DEFA1B: variants seen among roughly 807,000 people sequenced by gnomAD.
DEFA1B encodes the protein defensin alpha 1B.
chr8:6,998,989 G>A (rs1252819645), intron 1 of DEFA1B, 134 bp downstream of exon 1: 1 of 107,810 alleles, frequency 9.3e-6, no homozygotes, highest in African/African-American at 3.1e-5. Flanking sequence ...AGTCACCAGA[G>A]GTCCGGACAG....
In DEFA1B at chr8:6,999,152, G is replaced by A. The variant is rs1810603328; in HGVS notation, c.-42C>T. 1 of 100,582 alleles carries A rather than the reference G, an allele frequency of 9.9e-6. No homozygotes were observed. The highest frequency in any genetic ancestry group is 3.4e-5 in the African/African-American group (1 of 29,614). 6.2% of individuals were successfully genotyped at this position (100,582 alleles called of 1,614,324 possible). On this transcript the variant is annotated 5_prime_UTR_variant, in exon 1 of 3. Coordinates refer to ENST00000382689, the MANE Select transcript of DEFA1B (RefSeq NM_001042500.2). ...CCTCTAGCTAGGCAGGGTGACCAGA[G>A]AGGGCAGACAGCAGTCCTCTGTCCC...
chr8:6,998,960 G>C (rs1394905835), intron 1 of DEFA1B, among the ~76,000 whole-genome samples, 163 bp downstream of exon 1: 1 of 111,046 alleles, frequency 9.0e-6, no homozygotes, highest in African/African-American at 3.0e-5. Context: ...TAAGTTAGCT[G>C]GAAGCCATCG....
intron 1 of DEFA1B, among the ~76,000 whole-genome samples, chr8:6,998,902 TCAACCAG>T (rs1407646748): frequency 8.8e-6 from 1 of 113,928 alleles, no homozygotes; most frequent in Non-Finnish European, 2.1e-5. Flanking sequence ...ACTGGACATG[TCAACCAG>T]GACATGTGTG....
chr8:6,998,970 G>A (rs1471347388), intron 1 of DEFA1B, among the ~76,000 whole-genome samples, 153 bp downstream of exon 1: 405 of 108,256 alleles, frequency 3.7e-3, no homozygotes, highest in East Asian at 0.027. Context: ...GGAAGCCATC[G>A]TCCCCAGCAG....
chr8:6,999,140 A>C lies in DEFA1B; in HGVS notation c.-30T>G, dbSNP rs1810602750. ...GTACTTACAGATCCTCTAGCTAGGCAGGGTGACCAGAGAGGGCAGACAGCA... is the reference window on the plus strand; with the variant it reads ...GTACTTACAGATCCTCTAGCTAGGCCGGGTGACCAGAGAGGGCAGACAGCA... On this transcript the variant is annotated 5_prime_UTR_variant, in exon 1 of 3. Coordinates refer to ENST00000382689, the MANE Select transcript of DEFA1B (RefSeq NM_001042500.2). 1.0e-5 allele frequency: 1 copy of C among 100,266 alleles called. No homozygotes were observed. Among genetic ancestry groups the C allele is most frequent in the Non-Finnish European group, 2.3e-5 (1 of 42,906 alleles). The allele number at this position is 100,266 out of a possible 1,614,324, so 6.2% of individuals were successfully genotyped here.
intron 1 of DEFA1B, among the ~76,000 whole-genome samples, chr8:6,998,853 T>G (rs1260213966): frequency 3.2e-4 from 34 of 106,430 alleles, no homozygotes; most frequent in Non-Finnish European, 6.2e-4. Context: ...TAAATAGGTT[T>G]CTCTCAAAAG....
chr8:6,998,907 C>T (rs1368553477), intron 1 of DEFA1B, among the ~76,000 whole-genome samples: 9 of 113,964 alleles, frequency 7.9e-5, no homozygotes, highest in Non-Finnish European at 1.9e-4. Context: ...ACATGTCAAC[C>T]AGGACATGTG....
intron 1 of DEFA1B, 78 bp downstream of exon 1, chr8:6,999,045 C>G (rs1212133484): frequency 3.2e-5 from 3 of 93,016 alleles, no homozygotes; most frequent in Non-Finnish European, 4.9e-5. Flanking sequence ...TGGGGTGGCC[C>G]CACAGTCAGA....
chr8:6,999,194 G>A lies in DEFA1B; in HGVS notation c.-84C>T, dbSNP rs1810604920. On this transcript the variant is annotated 5_prime_UTR_variant, in exon 1 of 3. Coordinates refer to ENST00000382689, the MANE Select transcript of DEFA1B (RefSeq NM_001042500.2). Reference sequence around the variant, plus strand: ...CTCTGTCCCAGGTCTTCTATAGCAAGGAGCAGCCGTGCACAAGTGGACTTC... The same window carrying A: ...CTCTGTCCCAGGTCTTCTATAGCAAAGAGCAGCCGTGCACAAGTGGACTTC... 9.8e-6 allele frequency: 1 copy of A among 102,502 alleles called. No individual in the cohort carries two copies. Among genetic ancestry groups the A allele is most frequent in the African/African-American group, 3.3e-5 (1 of 30,514 alleles). 6.3% of individuals were successfully genotyped at this position (102,502 alleles called of 1,614,324 possible).
chr8:6,998,976 A>G (rs1810597470), intron 1 of DEFA1B, 147 bp downstream of exon 1: 2 of 108,782 alleles, frequency 1.8e-5, no homozygotes, highest in East Asian at 4.7e-4. Context: ...CATCGTCCCC[A>G]GCAGTCACCA....
rs1234006703 is a variant in DEFA1B, at chr8:6,998,969, C to T, written c.-13+154G>A. 5.5e-5 allele frequency among the ~76,000 whole-genome samples: 6 copies of T among 109,390 alleles called. No homozygotes were observed. The East Asian group carries it at 1.2e-3, about 21-fold the overall frequency. The allele number at this position is 109,390 out of a possible 152,430, so 71.8% of individuals were successfully genotyped here. On this transcript the variant is annotated intron_variant, in intron 1 of 2. Transcript: ENST00000382689. ...CTCTATTAAGTTAGCTGGAAGCCAT[C>T]GTCCCCAGCAGTCACCAGAGGTCCG... is the stretch of plus-strand genomic sequence containing the variant.
rs1305671089 is a variant in DEFA1B at position 6,999,028 on chromosome 8, T to G, written c.-13+95A>C. 1.4e-3 allele frequency: 144 copies of G among 100,644 alleles called. 1 individual carries two copies. The highest frequency in any genetic ancestry group is 3.3e-3 in the African/African-American group (98 of 29,970). The allele number at this position is 100,644 out of a possible 1,614,324, so 6.2% of individuals were successfully genotyped here. On this transcript the variant is annotated intron_variant, in intron 1 of 2. Transcript: ENST00000382689. ...TTCCTAGCAGGGATTCGCCCGCTGG[T>G]TCCCTCTGGGGTGGCCCCACAGTCA...
chr8:6,999,114 AG>A lies in DEFA1B; in HGVS notation c.-13+8del, dbSNP rs1377403548. On this transcript the variant is annotated splice_region_variant and intron_variant, in intron 1 of 2. Coordinates refer to ENST00000382689, the MANE Select transcript of DEFA1B (RefSeq NM_001042500.2). ...ACTCAGTGTAAAGTTTAAGTTTTGT[AG>A]TACTTACAGATCCTCTAGCTAGGCA... 2.0e-5 allele frequency: 2 copies of A among 99,028 alleles called. No individual in the cohort carries two copies. The highest frequency in any genetic ancestry group is 1.1e-4 in the Admixed American group (1 of 9,252). 6.1% of individuals were successfully genotyped at this position (99,028 alleles called of 1,614,324 possible). A position where few individuals can be genotyped will look rare whatever the true frequency, so the allele number is the denominator to read the frequency against.
chr8:6,999,052 CAG>C (rs1225033216), intron 1 of DEFA1B, 69 bp downstream of exon 1: 1 of 91,944 alleles, frequency 1.1e-5, no homozygotes, highest in Non-Finnish European at 2.5e-5. Flanking sequence ...GCCCCACAGT[CAG>C]AGGTCAGATT....
chr8:6,998,869 T>C (rs1402042996), intron 1 of DEFA1B, among the ~76,000 whole-genome samples: 5 of 109,156 alleles, frequency 4.6e-5, no homozygotes, highest in Non-Finnish European at 8.7e-5. Flanking sequence ...AAAAGAATGT[T>C]CCAAAGACCT....
intron 1 of DEFA1B, among the ~76,000 whole-genome samples, 166 bp downstream of exon 1, chr8:6,998,957 G>T (rs1810596568): frequency 9.0e-6 from 1 of 111,454 alleles, no homozygotes; most frequent in East Asian, 2.3e-4. Flanking sequence ...TATTAAGTTA[G>T]CTGGAAGCCA....
intron 1 of DEFA1B, 43 bp downstream of exon 1, chr8:6,999,080 A>G (rs1240045569): frequency 3.2e-4 from 30 of 94,412 alleles, no homozygotes; most frequent in African/African-American, 1.1e-3. Flanking sequence ...CATAGCTTCA[A>G]TAATGAAAAC....
rs1194287308 is a variant in DEFA1B, at chr8:6,999,115, G to A, written c.-13+8C>T. 2 of 99,148 alleles carry A rather than the reference G, an allele frequency of 2.0e-5. No homozygotes were observed. Among genetic ancestry groups the A allele is most frequent in the Non-Finnish European group, 4.7e-5 (2 of 42,644 alleles). 6.1% of individuals were successfully genotyped at this position (99,148 alleles called of 1,614,324 possible). On this transcript the variant is annotated splice_region_variant and intron_variant, in intron 1 of 2. Coordinates refer to ENST00000382689, the MANE Select transcript of DEFA1B (RefSeq NM_001042500.2). ...CTCAGTGTAAAGTTTAAGTTTTGTA[G>A]TACTTACAGATCCTCTAGCTAGGCA...
intron 1 of DEFA1B, 56 bp downstream of exon 1, chr8:6,999,067 A>G (rs1322692023): frequency 1.1e-5 from 1 of 92,630 alleles, no homozygotes; most frequent in Non-Finnish European, 2.4e-5. Flanking sequence ...GTCAGATTGG[A>G]GGCATAGCTT....
Sources: gnomAD v4.1 joint callset for allele counts (sites outside exome capture counted in the v4.1 genomes callset) on GRCh38, gnomAD v4.1.1 for gene constraint, MANE v1.5 for transcripts, NCBI Gene and HGNC (gene_info 2026-07-23, HGNC 2026-07-21) for gene names.